The following NLRP2 variants were observed in gnomAD, a reference collection of about 807,000 sequenced individuals.
NLRP2 encodes the protein NACHT, LRR and PYD domains-containing protein 2.
In NLRP2, 107 loss-of-function variants were observed where a neutral mutation model predicts 97.2. The ratio of observed to expected loss-of-function variants is 1.10; its 90% CI spans 0.94 to 1.29. NLRP2 has a LOEUF of 1.29. Ranked by LOEUF, NLRP2 falls within the 50% of genes most tolerant of loss-of-function variation. The probability of loss-of-function intolerance (pLI) is 0.00; values close to 1 mark genes in which losing one functional copy is unlikely to be tolerated. For synonymous variants in NLRP2, 663 were observed against 551.5 expected, an observed-to-expected ratio of 1.20 and a Z score of -2.83; for missense variants, 1,495 against 1,330.3, an observed-to-expected ratio of 1.12 and a Z score of -1.93.
At chr19:54,973,678 G>T in intron 2 of NLRP2, 1 of 378,814 alleles carries the variant, frequency 2.6e-6, no homozygotes. Context: ...CCGGCCAAGG[G>T]TTTTTAACTT....
At chr19:54,973,193 A>C (rs1343056226) in intron 2 of NLRP2, among the ~76,000 whole-genome samples, 1 of 151,676 alleles carries the variant, frequency 6.6e-6, no homozygotes, top group Admixed American at 6.6e-5. Flanking sequence ...CATCTCAAAA[A>C]AAAAAAACAA....
intron 2 of NLRP2, among the ~76,000 whole-genome samples, chr19:54,973,145 C>G (rs917019405): frequency 6.6e-6 from 1 of 151,132 alleles, no homozygotes; most frequent in Admixed American, 6.6e-5. Flanking sequence ...GAGCCAAGAT[C>G]GTGCCACTGC....
At chr19:54,965,446 C>T (rs1258192195), upstream of NLRP2, 2 of 98,936 alleles carry the variant, frequency 2.0e-5, 1 homozygote, top group Non-Finnish European at 4.2e-5. Context: ...GGTAAAATTT[C>T]TCCTTTTATT....
intron 8 of NLRP2, among the ~76,000 whole-genome samples, chr19:54,987,477 G>T (rs931775042): frequency 6.6e-6 from 1 of 152,160 alleles, no homozygotes; most frequent in Non-Finnish European, 1.5e-5. Context: ...ATTGCCCTGG[G>T]CCAGGCGCAG....
chr19:54,967,292 G>C (rs139196527), intron 1 of NLRP2, among the ~76,000 whole-genome samples: 244 of 152,248 alleles, frequency 1.6e-3, no homozygotes, highest in Non-Finnish European at 2.6e-3. Flanking sequence ...AGACCAGCCT[G>C]ACCAACATGT....
intron 11 of NLRP2, among the ~76,000 whole-genome samples, chr19:54,996,461 C>T (rs566633972): frequency 2.0e-5 from 3 of 151,998 alleles, no homozygotes; most frequent in East Asian, 1.9e-4. Context: ...CGAGATCATG[C>T]CACAGCACTC....
In NLRP2 at chr19:54,983,545, A is replaced by T. The variant is rs1471763280; in HGVS notation, c.1847A>T (p.Glu616Val). 1.2e-6 allele frequency: 2 copies of T among 1,614,132 alleles called. No homozygotes were observed. The highest frequency in any genetic ancestry group is 4.5e-5 in the East Asian group (2 of 44,878). The change falls in exon 6 of 13, where the codon GAG becomes GTG. Residue 616 changes from glutamate (E) to valine (V), a missense_variant. Coordinates refer to ENST00000448584, the MANE Select transcript of NLRP2 (RefSeq NM_017852.5). ...LGCLYESQEE[E>V]LVKEVMAQFK... Reference sequence around the variant, plus strand: ...TGTCTGTACGAGTCTCAGGAGGAGGAGCTGGTGAAGGAGGTGATGGCTCAG... The same window carrying T: ...TGTCTGTACGAGTCTCAGGAGGAGGTGCTGGTGAAGGAGGTGATGGCTCAG...
chr19:54,982,547 C>G lies in NLRP2; in HGVS notation c.849C>G (p.Ile283Met). ...IPHILAQARK[I>M]LFVIDGFDEL... The stretch of plus-strand genomic sequence containing the variant: ...ACATCCTAGCCCAAGCACGGAAAAT[C>G]TTGTTCGTGATTGACGGCTTTGATG... The change falls in exon 6 of 13, where the codon ATC (isoleucine) becomes ATG (methionine). Residue 283 changes from isoleucine to methionine, a missense_variant. Transcript: ENST00000448584. The G allele has an allele frequency of 6.2e-7, 1 of 1,614,210 alleles. No individual in the cohort carries two copies. Among genetic ancestry groups the G allele is most frequent in the Non-Finnish European group, 8.5e-7 (1 of 1,180,038 alleles).
intron 10 of NLRP2, among the ~76,000 whole-genome samples, chr19:54,991,920 TG>T (rs1244348733): frequency 7.6e-6 from 1 of 131,618 alleles, no homozygotes; most frequent in Non-Finnish European, 1.7e-5. Flanking sequence ...TTAACATCTC[TG>T]GTATTTTTTT....
upstream of NLRP2, among the ~76,000 whole-genome samples, chr19:54,965,540 C>T (rs1438712556): frequency 1.1e-5 from 1 of 93,178 alleles, no homozygotes; most frequent in Non-Finnish European, 2.3e-5. Flanking sequence ...ACTGCAAGCT[C>T]CGCCTCCCGG....
Position 54,975,348 on chromosome 19 carries a change from C to G in NLRP2, c.325+804C>G, listed in dbSNP as rs2071155639. Among the ~76,000 whole-genome samples the G allele has an allele frequency of 2.8e-5, 4 of 144,214 alleles. 2 individuals are homozygous for G. Among genetic ancestry groups the G allele is most frequent in the African/African-American group, 1.1e-4 (4 of 37,872 alleles). The allele number at this position is 144,214 out of a possible 152,430, so 94.6% of individuals were successfully genotyped here. On this transcript the variant is annotated intron_variant, in intron 3 of 12. Coordinates refer to ENST00000448584, the MANE Select transcript of NLRP2 (RefSeq NM_017852.5). ...TGTTGCCCAGGCTGGCCTCGAATTA[C>G]TAAACTCAATCAGTCCTCCTGCCTC...
chr19:54,973,352 T>TG (rs1555765009), intron 2 of NLRP2, among the ~76,000 whole-genome samples: 2 of 127,428 alleles, frequency 1.6e-5, no homozygotes, highest in African/African-American at 3.1e-5. Context: ...GGGTTTTTTT[T>TG]TTTTTTTTTT....
chr19:54,982,057 C>A, intron 5 of NLRP2, 105 bp from the exon 6 acceptor site: 1 of 1,425,180 alleles, frequency 7.0e-7, no homozygotes, highest in Non-Finnish European at 9.8e-7. Context: ...GGATTACAGG[C>A]ATGAGCCACT....
intron 2 of NLRP2, among the ~76,000 whole-genome samples, chr19:54,973,311 CATA>C (rs1021903493): frequency 1.0e-4 from 15 of 145,160 alleles, no homozygotes; most frequent in African/African-American, 3.9e-4. Flanking sequence ...CACTTTTTAG[CATA>C]ATGTTTCCTG....
intron 4 of NLRP2, among the ~76,000 whole-genome samples, 170 bp from the exon 5 acceptor site, chr19:54,981,447 C>T (rs1244031765): frequency 1.3e-5 from 2 of 152,052 alleles, no homozygotes; most frequent in African/African-American, 4.8e-5. Flanking sequence ...GGATTATAGG[C>T]ATGAGCCACC....
intron 9 of NLRP2, 122 bp from the exon 10 acceptor site, chr19:54,990,380 G>C: frequency 2.6e-6 from 3 of 1,136,996 alleles, no homozygotes; most frequent in Non-Finnish European, 4.0e-6. Flanking sequence ...AGGATCACCA[G>C]TGCATGATAG....
chr19:54,979,275 G>A (rs971407880), intron 4 of NLRP2, among the ~76,000 whole-genome samples: 3 of 151,936 alleles, frequency 2.0e-5, no homozygotes, highest in Non-Finnish European at 2.9e-5. Context: ...GTGAACCACC[G>A]CACCTAGCCT....
chr19:54,998,027 T>TTC (rs1252454801), intron 12 of NLRP2, among the ~76,000 whole-genome samples: 15 of 134,618 alleles, frequency 1.1e-4, no homozygotes, highest in African/African-American at 2.6e-4. Context: ...TTTTCTTTCT[T>TTC]TTTTTTTTTT....
chr19:54,966,818 G>A (rs1399303848), intron 1 of NLRP2, among the ~76,000 whole-genome samples: 6 of 137,326 alleles, frequency 4.4e-5, no homozygotes, highest in African/African-American at 1.6e-4. Context: ...GAGCCACCGC[G>A]CCCAGCCTTT....
Sources: allele counts gnomAD v4.1 joint callset (sites outside exome capture counted in the v4.1 genomes callset), GRCh38; gene constraint gnomAD v4.1.1; transcripts MANE v1.5; gene names NCBI Gene and HGNC (gene_info 2026-07-23, HGNC 2026-07-21).